ZMYM4: variants seen among roughly 807,000 people sequenced by gnomAD.
ZMYM4 encodes the protein zinc finger MYM-type protein 4.
A neutral mutation model predicts 183.2 loss-of-function variants in ZMYM4; 31 were observed. The observed-to-expected ratio is 0.17, with a 90% CI of 0.13 to 0.23. The LOEUF (loss-of-function observed/expected upper bound fraction) is 0.23. Among genes scored for constraint, ZMYM4 ranks in the 10% least tolerant of loss-of-function variants. ZMYM4 has a pLI of 1.00. For missense variants in ZMYM4, 1,273 were observed against 1,840.3 expected (o/e 0.69, Z 5.64); for synonymous variants, 592 against 631.2 (o/e 0.94, Z 0.93).
intron 27 of ZMYM4, among the ~76,000 whole-genome samples, chr1:35,414,830 T>C (rs1558203608): frequency 6.6e-6 from 1 of 152,084 alleles, no homozygotes; most frequent in Non-Finnish European, 1.5e-5. Context: ...GAGGATCACT[T>C]GAGCCCAGGA....
chr1:35,392,497 A>G lies in ZMYM4; in HGVS notation c.2728+145A>G. 2.4e-6 allele frequency: 3 copies of G among 1,268,696 alleles called. No individual in the cohort carries two copies. The East Asian group carries it at 7.4e-5, about 31-fold the overall frequency. The allele number at this position is 1,268,696 out of a possible 1,614,324, so 78.6% of individuals were successfully genotyped here. On this transcript the variant is annotated intron_variant, in intron 16 of 29. Coordinates refer to ENST00000314607, the MANE Select transcript of ZMYM4 (RefSeq NM_005095.3). ...GCTTGCTGCACAAGTTTCATATCTCATACTTTAGAATTGCTAGTTTCTTCC... is the reference window on the plus strand; with the variant it reads ...GCTTGCTGCACAAGTTTCATATCTCGTACTTTAGAATTGCTAGTTTCTTCC...
chr1:35,406,723 C>T (rs1417816036), intron 25 of ZMYM4, among the ~76,000 whole-genome samples: 1 of 152,144 alleles, frequency 6.6e-6, no homozygotes, highest in African/African-American at 2.4e-5. Flanking sequence ...AAAAGTCAAA[C>T]ATGGTCGGTG....
At position 35,418,483 on chromosome 1, in the gene ZMYM4, T is replaced by C; in HGVS notation, c.4350T>C (p.Asp1450=). Residue 1450 remains aspartate (D), a synonymous_variant, in exon 29 of 30, where the codon GAT becomes GAC. Coordinates refer to ENST00000314607, the MANE Select transcript of ZMYM4 (RefSeq NM_005095.3). ...GCAAGAGGAAACGAAATGAAGATGA[T>C]GAGGTTCCAGTGGGGGTGGAGATGG... is the stretch of plus-strand genomic sequence containing the variant. The part of the protein sequence containing the change: ...TVGKRKRNED[D]EVPVGVEMAE... 6.2e-7 allele frequency: 1 copy of C among 1,613,818 alleles called. No individual in the cohort carries two copies.
At chr1:35,340,178 A>T (rs1643144730) in intron 2 of ZMYM4, among the ~76,000 whole-genome samples, 1 of 129,006 alleles carries the variant, frequency 7.8e-6, no homozygotes. Context: ...AGATCAACTG[A>T]GAGAGAAGTG....
intron 2 of ZMYM4, among the ~76,000 whole-genome samples, chr1:35,331,150 T>G (rs1433502150): frequency 6.6e-6 from 1 of 152,204 alleles, no homozygotes; most frequent in Non-Finnish European, 1.5e-5. Flanking sequence ...GTTTACATGG[T>G]CTTTTGCTAA....
chr1:35,280,886 C>T (rs775246592), intron 1 of ZMYM4, among the ~76,000 whole-genome samples: 2 of 152,158 alleles, frequency 1.3e-5, no homozygotes, highest in African/African-American at 2.4e-5. Context: ...AAGTCATATT[C>T]TGAGGATCTG....
chr1:35,388,898 C>T lies in ZMYM4; in HGVS notation c.2264-12C>T. ...TCTACCTAATGTTAATTTTATCTTTCCTGATTTTTAGGTTGCAAATTGCTT... is the reference window on the plus strand; with the variant it reads ...TCTACCTAATGTTAATTTTATCTTTTCTGATTTTTAGGTTGCAAATTGCTT... On this transcript the variant is annotated splice_polypyrimidine_tract_variant and intron_variant, in intron 13 of 29. Coordinates refer to ENST00000314607, the MANE Select transcript of ZMYM4 (RefSeq NM_005095.3). The T allele has an allele frequency of 6.2e-7, 1 of 1,612,754 alleles. No homozygotes were observed. The highest frequency in any genetic ancestry group is 8.5e-7 in the Non-Finnish European group (1 of 1,179,276).
chr1:35,320,777 A>G (rs928563066), intron 1 of ZMYM4, among the ~76,000 whole-genome samples: 27 of 152,242 alleles, frequency 1.8e-4, no homozygotes, highest in African/African-American at 6.3e-4. Flanking sequence ...AAAGTCCCAC[A>G]TATCTGGTCA....
intron 1 of ZMYM4, among the ~76,000 whole-genome samples, chr1:35,287,462 T>C (rs2148706956): frequency 6.6e-6 from 1 of 152,246 alleles, no homozygotes; most frequent in African/African-American, 2.4e-5. Context: ...TCTTGTGTTT[T>C]TGCTGTCATA....
chr1:35,348,774 C>T (rs529298903), intron 2 of ZMYM4, among the ~76,000 whole-genome samples: 1 of 152,252 alleles, frequency 6.6e-6, no homozygotes, highest in African/African-American at 2.4e-5. Flanking sequence ...TTTATTAATA[C>T]TTGCCATTGT....
In ZMYM4 at chr1:35,372,549, A is replaced by G. The variant is rs189659039; in HGVS notation, c.1181+1922A>G. On this transcript the variant is annotated intron_variant, in intron 7 of 29. Coordinates refer to ENST00000314607, the MANE Select transcript of ZMYM4 (RefSeq NM_005095.3). ...TCACCACAAAAATGGTAACCAAGGA[A>G]AGCATATATTAATTAGCTAGATTTA... Among the ~76,000 whole-genome samples the G allele has an allele frequency of 2.4e-3, 366 of 152,272 alleles. 2 individuals are homozygous for G. The highest frequency in any genetic ancestry group is 7.8e-3 in the African/African-American group (325 of 41,550).
intron 1 of ZMYM4, among the ~76,000 whole-genome samples, chr1:35,300,419 G>A (rs763608307): frequency 1.2e-4 from 18 of 152,106 alleles, no homozygotes; most frequent in Non-Finnish European, 2.1e-4. Flanking sequence ...TCAAACTTCT[G>A]CACAGGGTTC....
At position 35,321,700 on chromosome 1, in the gene ZMYM4, T is replaced by G. The variant is rs954130021; in HGVS notation, c.40-3660T>G. 3.9e-5 allele frequency among the ~76,000 whole-genome samples: 6 copies of G among 152,104 alleles called. No individual in the cohort carries two copies. The South Asian group carries it at 1.2e-3, about 32-fold the overall frequency. The stretch of plus-strand genomic sequence containing the variant: ...CCTACCTTATGAGATTTTTGGGAGA[T>G]TAAATTGGATTAAATCATATAAAGT... On this transcript the variant is annotated intron_variant, in intron 1 of 29. Transcript: ENST00000314607.
chr1:35,351,675 CA>C, intron 2 of ZMYM4: 1 of 495,504 alleles, frequency 2.0e-6, no homozygotes. Context: ...ACAACAACAA[CA>C]AAAAACAGAA....
rs1013941289 is a variant in ZMYM4, at chr1:35,355,200, CTTTT to C, written c.86-3701_86-3698del. Reference sequence around the variant, plus strand: ...AGGTGCCCGTCACCACGCCTGGCTTCTTTTTTTTTTTTTTTTTTTTTTTTTTTAA... The same window carrying C: ...AGGTGCCCGTCACCACGCCTGGCTTCTTTTTTTTTTTTTTTTTTTTTTTAA... On this transcript the variant is annotated intron_variant, in intron 2 of 29. Transcript: ENST00000314607. 7.8e-5 allele frequency among the ~76,000 whole-genome samples: 6 copies of C among 77,196 alleles called. No individual in the cohort carries two copies. In the East Asian group the frequency reaches 1.3e-3, roughly 17 times the overall value. The allele number at this position is 77,196 out of a possible 152,430, so 50.6% of individuals were successfully genotyped here.
Position 35,392,682 on chromosome 1 carries a change from G to A in ZMYM4, c.2764G>A (p.Asp922Asn). ...VPTVTAKIIG[D>N]ASTQTDALKL... ...AACAGTAACAGCGAAAATCATCGGTGATGTAAGTTTTATTACTTTTATTGG... is the reference window on the plus strand; with the variant it reads ...AACAGTAACAGCGAAAATCATCGGTAATGTAAGTTTTATTACTTTTATTGG... The change falls in exon 17 of 30, where the codon GAT (aspartate) becomes AAT (asparagine). Residue 922 changes from aspartate (D) to asparagine (N), a missense_variant and splice_region_variant. This residue lies in a region of ZMYM4 where 290 missense variants were observed against 353.3 expected (regional missense o/e 0.82). Transcript: ENST00000314607. 6.3e-7 allele frequency: 1 copy of A among 1,596,468 alleles called. No homozygotes were observed. The highest frequency in any genetic ancestry group is 8.5e-7 in the Non-Finnish European group (1 of 1,174,544).
In ZMYM4 at chr1:35,413,969, TAGTACC is replaced by T. The variant is rs1264951758; in HGVS notation, c.3949-2_3952del. ...TGTATATTTTCTTTTTTTTTTCTTGTAGTACCTGTTTGAAAATGGTAGAATAGATAA... is the reference window on the plus strand; with the variant it reads ...TGTATATTTTCTTTTTTTTTTCTTGTTGTTTGAAAATGGTAGAATAGATAA... On this transcript the variant is annotated splice_acceptor_variant and coding_sequence_variant, in exon 27 of 30. Transcript: ENST00000314607. LOFTEE classifies it high-confidence loss of function. 1 of 1,445,680 alleles carries T rather than the reference TAGTACC, an allele frequency of 6.9e-7. No homozygotes were observed. Among genetic ancestry groups the T allele is most frequent in the Non-Finnish European group, 9.5e-7 (1 of 1,057,240 alleles). The allele number at this position is 1,445,680 out of a possible 1,614,324, so 89.6% of individuals were successfully genotyped here.
rs147193727 is a variant in ZMYM4, at chr1:35,412,445, G to A, written c.3949-1527G>A. 2.5e-4 allele frequency among the ~76,000 whole-genome samples: 38 copies of A among 152,168 alleles called. 1 individual carries two copies. Among genetic ancestry groups the A allele is most frequent in the African/African-American group, 8.7e-4 (36 of 41,466 alleles). ...CTAGGATTCGCGGTACAGTGTTGAC[G>A]AAGAATGGCAAGGATAGGCATTCTT... is the stretch of plus-strand genomic sequence containing the variant. On this transcript the variant is annotated intron_variant, in intron 26 of 29. Coordinates refer to ENST00000314607, the MANE Select transcript of ZMYM4 (RefSeq NM_005095.3).
Position 35,413,543 on chromosome 1 carries a change from G to A in ZMYM4, c.3949-429G>A, listed in dbSNP as rs116525285. Among the ~76,000 whole-genome samples the A allele has an allele frequency of 5.1e-3, 784 of 152,270 alleles. 7 individuals carry two copies. Among genetic ancestry groups the A allele is most frequent in the African/African-American group, 0.018 (760 of 41,536 alleles). ...TCAGGTCAACTGACATTAGCTAACT[G>A]TGTGATTGCAAGAAATGATCTTGTA... On this transcript the variant is annotated intron_variant, in intron 26 of 29. Coordinates refer to ENST00000314607, the MANE Select transcript of ZMYM4 (RefSeq NM_005095.3).
Sources: gnomAD v4.1 joint callset for allele counts (sites outside exome capture counted in the v4.1 genomes callset) on GRCh38, gnomAD v4.1.1 for gene constraint, gnomAD v4.1.1 regional missense constraint, MANE v1.5 for transcripts, NCBI Gene and HGNC (gene_info 2026-07-23, HGNC 2026-07-21) for gene names.